The following SGK1 variants were observed in gnomAD, a reference collection of about 807,000 sequenced individuals.
SGK1 encodes the protein serine/threonine-protein kinase Sgk1.
In SGK1, 26 loss-of-function variants were observed where a neutral mutation model predicts 64.2. That is an observed-to-expected ratio of 0.40 (90% CI 0.30 to 0.56). The LOEUF is 0.56. Among genes scored for constraint, SGK1 ranks in the 20% least tolerant of loss-of-function variants. The pLI is 0.38. For missense variants in SGK1, 519 were observed against 645.6 expected (o/e 0.80, Z 2.12); for synonymous variants, 265 against 239.7 (o/e 1.11, Z -0.98).
At position 134,312,876 on chromosome 6, in the gene SGK1, G is replaced by C. The variant is rs76983320; in HGVS notation, c.69+4516C>G. On this transcript the variant is annotated intron_variant, in intron 1 of 13. Transcript: ENST00000367858. ...CAACCTCCGCCTCCCTGGTTCAAGCGATTCTCCTGCTTCAGCCTCCTGAGT... is the reference window on the plus strand; with the variant it reads ...CAACCTCCGCCTCCCTGGTTCAAGCCATTCTCCTGCTTCAGCCTCCTGAGT... Among the ~76,000 whole-genome samples, 123 of 152,114 alleles carry C rather than the reference G, an allele frequency of 8.1e-4. 1 individual carries two copies. In the East Asian group the frequency reaches 0.023, roughly 28 times the overall value.
At chr6:134,260,953 G>A (rs1346342180) in intron 2 of SGK1, 2 of 152,044 alleles carry the variant, frequency 1.3e-5, no homozygotes, top group African/African-American at 4.8e-5. Context: ...TTTTATGTCA[G>A]TATGATGGTA....
At chr6:134,229,723 A>G (rs776752374) in intron 2 of SGK1, among the ~76,000 whole-genome samples, 2 of 152,196 alleles carry the variant, frequency 1.3e-5, no homozygotes, top group Non-Finnish European at 2.9e-5. Context: ...ACATGAATAT[A>G]TCTGCGGTGA....
At position 134,242,215 on chromosome 6, in the gene SGK1, G is replaced by A. The variant is rs4896030; in HGVS notation, c.285+19718C>T. On this transcript the variant is annotated intron_variant, in intron 2 of 13. Transcript: ENST00000367858. Reference sequence around the variant, plus strand: ...GAAATTAGGAATAAGGCTGGGCGCGGTGGCTCACGCCTGTAATCCCAGCAC... The same window carrying A: ...GAAATTAGGAATAAGGCTGGGCGCGATGGCTCACGCCTGTAATCCCAGCAC... 6.3e-3 allele frequency among the ~76,000 whole-genome samples: 959 copies of A among 152,200 alleles called. 33 individuals carry two copies. The highest frequency in any genetic ancestry group is 0.055 in the Admixed American group (837 of 15,268).
chr6:134,313,946 T>C (rs1380994259), intron 1 of SGK1, among the ~76,000 whole-genome samples: 1 of 152,212 alleles, frequency 6.6e-6, no homozygotes, highest in South Asian at 2.1e-4. Context: ...AACTCTTGGA[T>C]TGGGAGAATA....
chr6:134,215,134 C>CTTTCTTTTT (rs569795606), intron 2 of SGK1: 17 of 392,090 alleles, frequency 4.3e-5, no homozygotes, highest in Non-Finnish European at 6.4e-5. Context: ...TTCTTTCTTT[C>CTTTCTTTTT]TTTTTTTTTT....
chr6:134,300,031 T>C (rs942372552), intron 1 of SGK1, among the ~76,000 whole-genome samples: 2 of 152,152 alleles, frequency 1.3e-5, no homozygotes, highest in African/African-American at 4.8e-5. Flanking sequence ...AAAAGGAACC[T>C]GGCTTCTAAC....
chr6:134,174,344 A>T, intron 4 of SGK1, 167 bp downstream of exon 4: 1 of 625,584 alleles, frequency 1.6e-6, no homozygotes, highest in Admixed American at 3.0e-5. Flanking sequence ...AAATCAGCAA[A>T]TTAACTTTAA....
intron 4 of SGK1, 95 bp from the exon 5 acceptor site, chr6:134,174,175 C>T (rs1775132661): frequency 3.5e-6 from 3 of 847,162 alleles, no homozygotes; most frequent in East Asian, 2.5e-5. Context: ...GACTTCTACC[C>T]GGATAATTCA....
chr6:134,317,413 G>T lies in SGK1; in HGVS notation c.48C>A (p.Ala16=), dbSNP rs770810869. 2 of 1,608,234 alleles carry T rather than the reference G, an allele frequency of 1.2e-6. No individual in the cohort carries two copies. Among genetic ancestry groups the T allele is most frequent in the East Asian group, 4.5e-5 (2 of 44,850 alleles). ...TTACCCGCTTCTTAAAAAATTGGAA[G>T]GCTGAGCATTTCTTGACTGGGAATC... The part of the protein sequence containing the change: ...MNGFPVKKCS[A]FQFFKKRVRR... Residue 16 remains alanine (A), a synonymous_variant, in exon 1 of 14, where the codon GCC becomes GCA. Coordinates refer to ENST00000367858, the MANE Select transcript of SGK1 (RefSeq NM_001143676.3).
At chr6:134,172,542 G>A in intron 9 of SGK1, 120 bp downstream of exon 9, 1 of 805,444 alleles carries the variant, frequency 1.2e-6, no homozygotes, top group Middle Eastern at 3.7e-4. Flanking sequence ...CGTGCTAGGG[G>A]ATCTGGTTTT....
At position 134,172,301 on chromosome 6, in the gene SGK1, C is replaced by A; in HGVS notation, c.963G>T (p.Glu321Asp). ...GTCCCTGTGAATCTAGCAAAATATT[C>A]TCTGGTTTTAAGTCTCTGTAAAAAA... The part of the protein sequence containing the change: ...LNIVYRDLKP[E>D]NILLDSQGHI... The change falls in exon 10 of 14, where the codon GAG (glutamate) becomes GAT (aspartate). Residue 321 changes from glutamate (E) to aspartate (D), a missense_variant. By Grantham distance (45) the Glu-to-Asp change is conservative (BLOSUM62 2). This residue lies in a region of SGK1 where 278 missense variants were observed against 408.7 expected (regional missense o/e 0.68). Transcript: ENST00000367858. 6.2e-7 allele frequency: 1 copy of A among 1,612,566 alleles called. No individual in the cohort carries two copies. Among genetic ancestry groups the A allele is most frequent in the Non-Finnish European group, 8.5e-7 (1 of 1,179,472 alleles).
chr6:134,248,664 C>A (rs1240516735), intron 2 of SGK1, among the ~76,000 whole-genome samples: 1 of 151,974 alleles, frequency 6.6e-6, no homozygotes, highest in African/African-American at 2.4e-5. Context: ...GTTGGCCAGG[C>A]TGGTCTCAAA....
chr6:134,226,619 C>T (rs931472586), intron 2 of SGK1, among the ~76,000 whole-genome samples: 2 of 150,796 alleles, frequency 1.3e-5, no homozygotes, highest in African/African-American at 2.4e-5. Context: ...GCCTAAGCCT[C>T]GGAAGTTGAG....
intron 2 of SGK1, among the ~76,000 whole-genome samples, chr6:134,238,747 C>T (rs1776400575): frequency 6.6e-6 from 1 of 151,992 alleles, no homozygotes; most frequent in South Asian, 2.1e-4. Context: ...ACAATTTTTT[C>T]CTAATATCAA....
chr6:134,193,477 C>T (rs920308842), intron 3 of SGK1, among the ~76,000 whole-genome samples: 3 of 152,020 alleles, frequency 2.0e-5, no homozygotes, highest in African/African-American at 7.2e-5. Context: ...CTCATCTCAG[C>T]CTCCCAAGTA....
chr6:134,306,211 T>C (rs536181866), intron 1 of SGK1, among the ~76,000 whole-genome samples: 112 of 152,040 alleles, frequency 7.4e-4, no homozygotes, highest in African/African-American at 2.6e-3. Flanking sequence ...TCACCTGAGG[T>C]CAAGAGTTCG....
rs1468463129 is a variant in SGK1 at position 134,311,104 on chromosome 6, T to C, written c.69+6288A>G. 2.6e-5 allele frequency among the ~76,000 whole-genome samples: 4 copies of C among 152,132 alleles called. No homozygotes were observed. In the East Asian group the frequency reaches 7.7e-4, roughly 29 times the overall value. On this transcript the variant is annotated intron_variant, in intron 1 of 13. Coordinates refer to ENST00000367858, the MANE Select transcript of SGK1 (RefSeq NM_001143676.3). ...TGACAGCTTGTCTTTGAGCCAGATT[T>C]AGGTTACATTTCAGTCTTAATTTAT...
At chr6:134,307,460 G>T (rs1190845739) in intron 1 of SGK1, among the ~76,000 whole-genome samples, 1 of 152,178 alleles carries the variant, frequency 6.6e-6, no homozygotes, top group Admixed American at 6.5e-5. Context: ...GTCTCTGCGG[G>T]GGATTGATTC....
chr6:134,235,537 A>G, intron 2 of SGK1, among the ~76,000 whole-genome samples: 1 of 25,102 alleles, frequency 4.0e-5, no homozygotes, highest in Admixed American at 5.3e-4. Context: ...GAAAAAATAG[A>G]TATTTTTATT....
Sources: allele counts gnomAD v4.1 joint callset (sites outside exome capture counted in the v4.1 genomes callset), GRCh38; gene constraint gnomAD v4.1.1; regional missense constraint gnomAD v4.1.1; transcripts MANE v1.5; gene names NCBI Gene and HGNC (gene_info 2026-07-23, HGNC 2026-07-21).